CNTLN: variants seen among roughly 807,000 people sequenced by gnomAD.
The protein encoded by CNTLN is centlein, also known as centlein, centrosomal protein.
In CNTLN, 212 loss-of-function variants were observed where a neutral mutation model predicts 180.0. That is an observed-to-expected ratio of 1.18 (90% confidence interval 1.05 to 1.32). The LOEUF is 1.32. Among genes scored for constraint, CNTLN ranks in the 40% most tolerant of loss-of-function variants. The pLI, the probability that CNTLN is intolerant of heterozygous loss-of-function variation, is 0.00. For missense variants in CNTLN, 2,095 were observed against 1,610.9 expected (o/e 1.30, Z -5.14); for synonymous variants, 722 against 563.1 (o/e 1.28, Z -3.99).
chr9:17,352,905 G>A lies in CNTLN; in HGVS notation c.1886+10461G>A, dbSNP rs986905331. 3.3e-5 allele frequency among the ~76,000 whole-genome samples: 5 copies of A among 152,162 alleles called. 1 individual carries two copies. The highest frequency in any genetic ancestry group is 1.2e-4 in the African/African-American group (5 of 41,530). On this transcript the variant is annotated intron_variant, in intron 12 of 25. Transcript: ENST00000380647. ...TGTCAAAAGTTCATTACTTTTTTAT[G>A]GCTGAATAATATCCCTTTGTTTATG...
Position 17,135,075 on chromosome 9 carries a change from C to A in CNTLN, c.10C>A (p.Arg4Ser). 2.5e-6 allele frequency: 4 copies of A among 1,597,792 alleles called. No individual in the cohort carries two copies. Among genetic ancestry groups the A allele is most frequent in the Non-Finnish European group, 3.4e-6 (4 of 1,176,030 alleles). Residue 4 changes from arginine to serine, a missense_variant, in exon 1 of 26, where the codon CGT (arginine) becomes AGT (serine). Coordinates refer to ENST00000380647, the MANE Select transcript of CNTLN (RefSeq NM_017738.4). MAA[R>S]SPPSPHPSPP... ...GTTAGCAGCCGCAGCCATGGCGGCG[C>A]GTTCGCCTCCCTCACCGCACCCTTC...
chr9:17,417,435 C>G (rs1274228918), intron 18 of CNTLN, among the ~76,000 whole-genome samples: 4 of 151,830 alleles, frequency 2.6e-5, no homozygotes. Flanking sequence ...AGCAAAGTGA[C>G]ATGAAAGAAC....
At chr9:17,392,949 A>C (rs1365865892) in intron 14 of CNTLN, among the ~76,000 whole-genome samples, 1 of 152,122 alleles carries the variant, frequency 6.6e-6, no homozygotes, top group East Asian at 1.9e-4. Context: ...ATATTTCTGG[A>C]ATATTATTAT....
At chr9:17,188,276 A>G (rs900910688) in intron 2 of CNTLN, among the ~76,000 whole-genome samples, 1 of 152,036 alleles carries the variant, frequency 6.6e-6, no homozygotes, top group African/African-American at 2.4e-5. Flanking sequence ...TAGATTTGTT[A>G]TTTGTATTTC....
intron 19 of CNTLN, among the ~76,000 whole-genome samples, chr9:17,458,684 G>A (rs1025179989): frequency 1.6e-4 from 25 of 151,834 alleles, no homozygotes; most frequent in African/African-American, 5.8e-4. Context: ...AAATGAATGA[G>A]TTTATTATTG....
intron 2 of CNTLN, among the ~76,000 whole-genome samples, chr9:17,164,311 C>CA (rs774854028): frequency 0.26 from 13,216 of 50,688 alleles, 1,459 homozygotes; most frequent in Middle Eastern, 0.32. Context: ...GACTCTGTCT[C>CA]AAAAAAAAAA....
At chr9:17,270,027 C>G (rs13286311) in intron 5 of CNTLN, among the ~76,000 whole-genome samples, 34,809 of 151,948 alleles carry the variant, frequency 0.23, 4,241 homozygotes, top group South Asian at 0.36. Context: ...AACTCTAGCT[C>G]TAAGTGCTTA....
the CNTLN span, among the ~76,000 whole-genome samples, chr9:17,508,931 T>C: frequency 6.6e-6 from 1 of 152,210 alleles, no homozygotes; most frequent in African/African-American, 2.4e-5. Flanking sequence ...TGGACCCCTC[T>C]GAATGAGCAA....
rs181161935 is a variant in CNTLN, at chr9:17,317,820, T to C, written c.1341+8568T>C. Among the ~76,000 whole-genome samples the C allele has an allele frequency of 2.1e-3, 327 of 152,184 alleles. 13 individuals carry two copies. The highest frequency in any genetic ancestry group is 0.021 in the Admixed American group (324 of 15,272). On this transcript the variant is annotated intron_variant, in intron 8 of 25. Coordinates refer to ENST00000380647, the MANE Select transcript of CNTLN (RefSeq NM_017738.4). ...AGGCGAGTGTGGCTAGATTGAGAGC[T>C]ATGGGGAGAGGAGTGAAACATGATC...
At chr9:17,347,982 C>A (rs1822049282) in intron 12 of CNTLN, among the ~76,000 whole-genome samples, 2 of 151,980 alleles carry the variant, frequency 1.3e-5, no homozygotes, top group Admixed American at 1.3e-4. Flanking sequence ...TAGATGCTAG[C>A]CACCACTTCT....
chr9:17,143,277 A>C lies in CNTLN; in HGVS notation c.361-11A>C, dbSNP rs752120146. On this transcript the variant is annotated splice_polypyrimidine_tract_variant and intron_variant, in intron 1 of 25. Coordinates refer to ENST00000380647, the MANE Select transcript of CNTLN (RefSeq NM_017738.4). The stretch of plus-strand genomic sequence containing the variant: ...AAGCAATGCATCTAAATTCTCTTTT[A>C]TTTCTTTAAGGCTGATAAAGAATTT... 1 of 1,599,264 alleles carries C rather than the reference A, an allele frequency of 6.3e-7. No homozygotes were observed. The highest frequency in any genetic ancestry group is 1.1e-5 in the South Asian group (1 of 88,818).
intron 2 of CNTLN, among the ~76,000 whole-genome samples, chr9:17,161,004 A>G (rs1819639165): frequency 6.6e-6 from 1 of 152,194 alleles, no homozygotes; most frequent in South Asian, 2.1e-4. Context: ...AGACATTTGT[A>G]GAAAGAGACA....
the CNTLN span, among the ~76,000 whole-genome samples, chr9:17,524,846 C>T: frequency 6.6e-6 from 1 of 152,050 alleles, no homozygotes; most frequent in African/African-American, 2.4e-5. Flanking sequence ...TAGAGAGTTA[C>T]AAAGAAAAAG....
At chr9:17,413,719 T>C (rs1041952588) in intron 16 of CNTLN, among the ~76,000 whole-genome samples, 1 of 152,122 alleles carries the variant, frequency 6.6e-6, no homozygotes, top group Non-Finnish European at 1.5e-5. Flanking sequence ...AAATACCAAG[T>C]GCTGACCAAG....
At chr9:17,312,491 A>G (rs1402135664) in intron 8 of CNTLN, among the ~76,000 whole-genome samples, 2 of 148,530 alleles carry the variant, frequency 1.3e-5, no homozygotes, top group Non-Finnish European at 3.0e-5. Flanking sequence ...GGCTCACGCC[A>G]TTCTCCTGCC....
chr9:17,426,692 A>G (rs1222946898), intron 18 of CNTLN, among the ~76,000 whole-genome samples: 1 of 152,024 alleles, frequency 6.6e-6, no homozygotes, highest in African/African-American at 2.4e-5. Context: ...TTCAAGTCAC[A>G]TGTTCTTGAG....
chr9:17,194,904 C>A (rs763488090), intron 2 of CNTLN, among the ~76,000 whole-genome samples: 1 of 151,984 alleles, frequency 6.6e-6, no homozygotes, highest in Non-Finnish European at 1.5e-5. Flanking sequence ...GTGGCAGCGA[C>A]GAGAAAATGA....
chr9:17,346,312 C>T (rs764700330), intron 12 of CNTLN, among the ~76,000 whole-genome samples: 1 of 151,932 alleles, frequency 6.6e-6, no homozygotes, highest in Non-Finnish European at 1.5e-5. Flanking sequence ...TCATGGGGAA[C>T]ACATGAGAAC....
intron 2 of CNTLN, among the ~76,000 whole-genome samples, chr9:17,161,655 T>C (rs1819688435): frequency 6.6e-6 from 1 of 152,218 alleles, no homozygotes; most frequent in Non-Finnish European, 1.5e-5. Flanking sequence ...ATTTTTTCCA[T>C]AAAGAACTTT....
Sources: gnomAD v4.1 joint callset for allele counts (sites outside exome capture counted in the v4.1 genomes callset) on GRCh38, gnomAD v4.1.1 for gene constraint, MANE v1.5 for transcripts, NCBI Gene and HGNC (gene_info 2026-07-23, HGNC 2026-07-21) for gene names.